The following SOX5 variants were observed in gnomAD, a reference collection of about 807,000 sequenced individuals.
SOX5 encodes transcription factor SOX-5.
A neutral mutation model predicts 92.0 loss-of-function variants in SOX5; 9 were observed. The observed-to-expected ratio is 0.10, with a 90% confidence interval of 0.06 to 0.17. The LOEUF (loss-of-function observed/expected upper bound fraction) is 0.17, where lower values mean the gene tolerates loss of function less well. Ranked by LOEUF, SOX5 falls within the 10% of genes least tolerant of loss-of-function variation. The pLI is 1.00. For missense variants in SOX5, 642 were observed against 944.5 expected (o/e 0.68, Z 4.20); for synonymous variants, 344 against 336.3 (o/e 1.02, Z -0.25).
chr12:24,218,986 A>T (rs1330123454), intron 3 of SOX5, among the ~76,000 whole-genome samples: 2 of 152,114 alleles, frequency 1.3e-5, no homozygotes, highest in African/African-American at 4.8e-5. Context: ...AAGTATGGCA[A>T]CTTTTAGAAT....
intron 11 of SOX5, among the ~76,000 whole-genome samples, chr12:23,546,942 T>C (rs1455800828): frequency 6.6e-6 from 1 of 152,290 alleles, no homozygotes; most frequent in African/African-American, 2.4e-5. Flanking sequence ...AAATATTCAT[T>C]GCTAATTGCT....
chr12:24,071,681 G>A (rs1941808100), intron 4 of SOX5, among the ~76,000 whole-genome samples: 1 of 152,134 alleles, frequency 6.6e-6, no homozygotes, highest in African/African-American at 2.4e-5. Flanking sequence ...TGATCCACCT[G>A]CCTCTGCCTC....
chr12:24,074,409 G>T (rs1942223011), intron 4 of SOX5, among the ~76,000 whole-genome samples: 1 of 151,608 alleles, frequency 6.6e-6, no homozygotes, highest in Admixed American at 6.6e-5. Context: ...CCTGCACCTG[G>T]ATAGGTACCA....
intron 1 of SOX5, among the ~76,000 whole-genome samples, chr12:24,560,124 A>C (rs1300327888): frequency 6.6e-6 from 1 of 152,200 alleles, no homozygotes; most frequent in Non-Finnish European, 1.5e-5. Flanking sequence ...AGCAAGAAAA[A>C]ACTGTTGATT....
intron 7 of SOX5, among the ~76,000 whole-genome samples, chr12:23,641,668 C>A (rs774476966): frequency 2.5e-4 from 38 of 152,020 alleles, no homozygotes; most frequent in Non-Finnish European, 5.1e-4. Context: ...TTATGAAAAT[C>A]AAGGGGGTTC....
rs761202772 is a variant in SOX5 at position 24,110,659 on chromosome 12, A to G, written c.-2+102684T>C. ...CCAGCACTTTGGGAGGCCGAGGCGGACGGATCACGAGGTCAGGAGATTGAG... is the reference window on the plus strand; with the variant it reads ...CCAGCACTTTGGGAGGCCGAGGCGGGCGGATCACGAGGTCAGGAGATTGAG... On this transcript the variant is annotated intron_variant, in intron 4 of 4. Coordinates refer to the SOX5 transcript ENST00000446891. Among the ~76,000 whole-genome samples, 282 of 152,074 alleles carry G rather than the reference A, an allele frequency of 1.9e-3. 1 individual carries two copies. Among genetic ancestry groups the G allele is most frequent in the Non-Finnish European group, 3.1e-3 (214 of 67,948 alleles).
chr12:23,543,871 A>G (rs1357142689), intron 12 of SOX5, among the ~76,000 whole-genome samples: 2 of 152,224 alleles, frequency 1.3e-5, no homozygotes, highest in Non-Finnish European at 2.9e-5. Context: ...GGTTACAAAA[A>G]TAAAAACACT....
intron 4 of SOX5, among the ~76,000 whole-genome samples, chr12:24,209,811 G>A (rs1219744850): frequency 6.6e-6 from 1 of 151,714 alleles, no homozygotes; most frequent in Non-Finnish European, 1.5e-5. Flanking sequence ...GAGGTCAGGA[G>A]ATCGAGACCA....
chr12:23,999,367 G>A (rs1200727430), intron 4 of SOX5, among the ~76,000 whole-genome samples: 1 of 152,016 alleles, frequency 6.6e-6, no homozygotes, highest in East Asian at 1.9e-4. Flanking sequence ...AGATAAATAA[G>A]TTCTAGATAC....
chr12:23,723,686 T>C (rs1255352203), intron 6 of SOX5, among the ~76,000 whole-genome samples: 1 of 151,372 alleles, frequency 6.6e-6, no homozygotes, highest in African/African-American at 2.4e-5. Context: ...CAAAAAAAGA[T>C]ATATAGAAAC....
intron 1 of SOX5, among the ~76,000 whole-genome samples, chr12:24,555,111 G>A (rs2139008780): frequency 6.6e-6 from 1 of 152,358 alleles, no homozygotes; most frequent in African/African-American, 2.4e-5. Context: ...AGCTCGCGCT[G>A]AGGGCCACTT....
upstream of SOX5, among the ~76,000 whole-genome samples, chr12:23,951,325 C>A (rs1011862648): frequency 3.3e-5 from 5 of 152,110 alleles, no homozygotes; most frequent in African/African-American, 4.8e-5. Context: ...ATTCCTCCCC[C>A]CCAACCCCCT....
intron 3 of SOX5, among the ~76,000 whole-genome samples, chr12:23,789,177 T>C (rs1012107442): frequency 1.3e-5 from 2 of 151,860 alleles, no homozygotes; most frequent in Non-Finnish European, 2.9e-5. Context: ...GACTAGATCA[T>C]AATGCAATCA....
intron 2 of SOX5, among the ~76,000 whole-genome samples, chr12:23,867,371 C>G (rs1242125448): frequency 6.6e-6 from 1 of 152,088 alleles, no homozygotes; most frequent in African/African-American, 2.4e-5. Flanking sequence ...CCCAGTCACA[C>G]AAGATTTAAG....
chr12:23,818,297 A>T (rs2096037541), intron 3 of SOX5, among the ~76,000 whole-genome samples: 1 of 152,212 alleles, frequency 6.6e-6, no homozygotes, highest in Non-Finnish European at 1.5e-5. Flanking sequence ...CTAGGGTACA[A>T]ACCTGTACAG....
intron 2 of SOX5, among the ~76,000 whole-genome samples, chr12:24,303,405 G>A (rs2140675152): frequency 1.3e-5 from 2 of 152,258 alleles, no homozygotes; most frequent in South Asian, 4.2e-4. Flanking sequence ...ACTGAAAAAT[G>A]TCAAGTGAAA....
rs914691297 is a variant in SOX5, at chr12:24,511,874, T to C, written c.-251+50455A>G. Among the ~76,000 whole-genome samples the C allele has an allele frequency of 7.3e-5, 11 of 150,836 alleles. No individual in the cohort carries two copies. In the East Asian group the frequency reaches 1.4e-3, roughly 19 times the overall value. ...TCGGGAGGCTGAGGCAGGAGAATGGTGTGAACCCGGGATGTGGATCTTGAA... is the reference window on the plus strand; with the variant it reads ...TCGGGAGGCTGAGGCAGGAGAATGGCGTGAACCCGGGATGTGGATCTTGAA... On this transcript the variant is annotated intron_variant, in intron 1 of 4. Coordinates refer to the SOX5 transcript ENST00000446891.
chr12:23,965,645 G>A (rs563582653), intron 4 of SOX5, among the ~76,000 whole-genome samples: 1 of 152,250 alleles, frequency 6.6e-6, no homozygotes, highest in East Asian at 1.9e-4. Context: ...TTGAGATGGA[G>A]TCTTGCTCTG....
At chr12:24,276,765 G>T (rs563914716) in intron 3 of SOX5, among the ~76,000 whole-genome samples, 4 of 151,986 alleles carry the variant, frequency 2.6e-5, no homozygotes, top group African/African-American at 9.7e-5. Context: ...TTACATTTTC[G>T]TATGTATTAA....
Sources: allele counts gnomAD v4.1 joint callset (sites outside exome capture counted in the v4.1 genomes callset), GRCh38; gene constraint gnomAD v4.1.1; transcripts MANE v1.5; gene names NCBI Gene and HGNC (gene_info 2026-07-23, HGNC 2026-07-21).